Variants in DMD observed in about 807,000 individuals in gnomAD.
DMD encodes the protein dystrophin, also known as mutant dystrophin.
Under a neutral mutation model 330.1 loss-of-function variants are expected in DMD, and 63 were observed. That is an observed-to-expected ratio of 0.19 (90% CI 0.16 to 0.24). DMD has a LOEUF of 0.24. Among genes scored for constraint, DMD ranks in the 10% least tolerant of loss-of-function variants. The probability of loss-of-function intolerance (pLI) is 1.00; values close to 1 mark genes in which losing one functional copy is unlikely to be tolerated. For missense variants in DMD, 3,344 were observed against 2,684.1 expected (o/e 1.25, Z -5.43); for synonymous variants, 1,223 against 959.8 (o/e 1.27, Z -5.07).
chrX:32,227,000 T>G (rs1271943192), intron 43 of DMD, among the ~76,000 whole-genome samples: 5 of 107,828 alleles, frequency 4.6e-5, no homozygotes, highest in African/African-American at 1.3e-4. Flanking sequence ...AAGAATACAC[T>G]TTGCACAAAT....
chrX:31,682,535 G>A (rs2082438498), intron 52 of DMD, among the ~76,000 whole-genome samples: 1 of 112,039 alleles, frequency 8.9e-6, no homozygotes, highest in African/African-American at 3.2e-5. Context: ...ATGTCTTTAA[G>A]TGTTCTGAAA....
intron 2 of DMD, among the ~76,000 whole-genome samples, chrX:33,013,698 A>G (rs1336320471): frequency 8.9e-6 from 1 of 112,688 alleles, no homozygotes; most frequent in African/African-American, 3.2e-5. Flanking sequence ...AAAGGTACAT[A>G]TATATTGTTA....
chrX:31,473,943 G>A (rs2067531839), intron 59 of DMD, among the ~76,000 whole-genome samples: 1 of 111,574 alleles, frequency 9.0e-6, no homozygotes, highest in African/African-American at 3.3e-5. Flanking sequence ...AAGCACTGGT[G>A]CTATTTTCAG....
chrX:32,308,394 C>T (rs73619054), intron 42 of DMD, among the ~76,000 whole-genome samples: 8,492 of 110,472 alleles, frequency 0.077, 654 homozygotes, highest in African/African-American at 0.24. Flanking sequence ...ACTGCTTTTC[C>T]ATTTTTACTA....
intron 56 of DMD, among the ~76,000 whole-genome samples, chrX:31,497,337 T>G (rs1384137386): frequency 1.8e-5 from 2 of 111,833 alleles, no homozygotes; most frequent in Non-Finnish European, 3.8e-5. Context: ...CCTTGAGAAA[T>G]GGAAAGGTCT....
At position 31,663,121 on chromosome X, in the gene DMD, A is replaced by G. The variant is rs147958845; in HGVS notation, c.7873-4977T>C. Among the ~76,000 whole-genome samples, 1,008 of 111,892 alleles carry G rather than the reference A, an allele frequency of 9.0e-3. 9 individuals carry two copies. The highest frequency in any genetic ancestry group is 0.037 in the Middle Eastern group (8 of 218). ...ATGAGACACACTAGTGGGAGACAGA[A>G]GAGCATGAGAAAGGGTGAAACAAGA... On this transcript the variant is annotated intron_variant, in intron 53 of 78. Transcript: ENST00000357033.
chrX:32,595,848 T>G lies in DMD; in HGVS notation c.1511A>C (p.Gln504Pro). The G allele has an allele frequency of 8.3e-7, 1 of 1,201,265 alleles. No individual in the cohort carries two copies. Among genetic ancestry groups the G allele is most frequent in the Non-Finnish European group, 1.1e-6 (1 of 885,949 alleles). ...GTGAGTGAGAGAATTGACCCTGACT[T>G]GTTCTTGTTCTAGATCTTCTTGAAG... Reference protein sequence around the residue: ...KVLQEDLEQEQVRVNSLTHMV... With the variant: ...KVLQEDLEQEPVRVNSLTHMV... Residue 504 changes from glutamine (Q) to proline (P), a missense_variant, in exon 13 of 79, where the codon CAA becomes CCA. Physicochemically the swap from Gln to Pro is moderately conservative, Grantham distance 76. Coordinates refer to ENST00000357033, the MANE Select transcript of DMD (RefSeq NM_004006.3).
At chrX:31,461,504 A>G (rs765998137) in intron 59 of DMD, among the ~76,000 whole-genome samples, 1 of 111,863 alleles carries the variant, frequency 8.9e-6, no homozygotes, top group East Asian at 2.8e-4. Flanking sequence ...ATGTCTGGAC[A>G]TGTCTGAATG....
intron 7 of DMD, among the ~76,000 whole-genome samples, chrX:32,755,475 G>A (rs1375382596): frequency 9.0e-6 from 1 of 111,640 alleles, no homozygotes; most frequent in Non-Finnish European, 1.9e-5. Context: ...AATTCTAATA[G>A]ATGAAAAGTT....
intron 1 of DMD, among the ~76,000 whole-genome samples, chrX:33,247,010 T>G (rs1200261749): frequency 8.9e-6 from 1 of 111,909 alleles, no homozygotes; most frequent in Non-Finnish European, 1.9e-5. Flanking sequence ...AAACTCTGTT[T>G]TAGTACTTAA....
At chrX:32,107,291 A>G (rs2096568320) in intron 44 of DMD, among the ~76,000 whole-genome samples, 1 of 109,267 alleles carries the variant, frequency 9.2e-6, no homozygotes, top group African/African-American at 3.3e-5. Flanking sequence ...TTCCTTAGAG[A>G]AACAAAAGGA....
chrX:31,166,032 A>G (rs1325406512), intron 74 of DMD, among the ~76,000 whole-genome samples: 1 of 111,552 alleles, frequency 9.0e-6, no homozygotes, highest in Non-Finnish European at 1.9e-5. Flanking sequence ...AAAAGGGGAG[A>G]ATTTTGAAAA....
At chrX:33,135,903 T>A (rs1415981096) in intron 1 of DMD, among the ~76,000 whole-genome samples, 1 of 112,532 alleles carries the variant, frequency 8.9e-6, no homozygotes, top group Non-Finnish European at 1.9e-5. Flanking sequence ...TCAATAGGAA[T>A]GTCTGTGCCA....
rs1367385862 is a variant in DMD at position 32,362,966 on chromosome X, C to A, written c.5155-8G>T. 2.5e-6 allele frequency: 3 copies of A among 1,201,155 alleles called. No individual in the cohort carries two copies. In the African/African-American group the frequency reaches 5.3e-5, roughly 21 times the overall value. ...CAGTTCTGCCTTTAAACGCTATATTCCATGAGCAAGAGATAGGACTTGAAG... is the reference window on the plus strand; with the variant it reads ...CAGTTCTGCCTTTAAACGCTATATTACATGAGCAAGAGATAGGACTTGAAG... On this transcript the variant is annotated splice_polypyrimidine_tract_variant and splice_region_variant and intron_variant, in intron 36 of 78. Transcript: ENST00000357033.
At chrX:31,958,859 C>G (rs1484208065) in intron 45 of DMD, among the ~76,000 whole-genome samples, 4 of 111,254 alleles carry the variant, frequency 3.6e-5, no homozygotes, top group Non-Finnish European at 5.7e-5. Flanking sequence ...TTCAATGTTC[C>G]AAGAGCTCCT....
chrX:32,557,299 T>C (rs1308428304), intron 16 of DMD, among the ~76,000 whole-genome samples: 1 of 111,888 alleles, frequency 8.9e-6, no homozygotes, highest in Non-Finnish European at 1.9e-5. Flanking sequence ...AAGGGGTGTG[T>C]ATTTGTATGC....
intron 34 of DMD, among the ~76,000 whole-genome samples, chrX:32,375,295 G>A (rs1420755027): frequency 2.7e-5 from 3 of 111,934 alleles, no homozygotes; most frequent in African/African-American, 6.5e-5. Context: ...TATTCATCTC[G>A]CTGGAATTAA....
chrX:33,110,604 G>A (rs1444082799), intron 1 of DMD, among the ~76,000 whole-genome samples: 1 of 111,470 alleles, frequency 9.0e-6, no homozygotes, highest in Non-Finnish European at 1.9e-5. Context: ...TGCTAATACC[G>A]TTCTGTGTTG....
intron 54 of DMD, among the ~76,000 whole-genome samples, chrX:31,644,217 C>G (rs748376015): frequency 5.4e-5 from 6 of 111,498 alleles, no homozygotes; most frequent in Non-Finnish European, 1.1e-4. Context: ...TATGTTAATA[C>G]GCTAATAAAA....
Sources: gnomAD v4.1 joint callset for allele counts (sites outside exome capture counted in the v4.1 genomes callset) on GRCh38, gnomAD v4.1.1 for gene constraint, MANE v1.5 for transcripts, NCBI Gene and HGNC (gene_info 2026-07-23, HGNC 2026-07-21) for gene names.